Variants in SCRIB observed in about 807,000 individuals in gnomAD.
SCRIB encodes the protein scribble planar cell polarity protein, also known as protein scribble homolog.
In SCRIB, 72 loss-of-function variants were observed where a neutral mutation model predicts 170.0. The observed-to-expected ratio is 0.42, with a 90% confidence interval of 0.35 to 0.52. The LOEUF is 0.52. SCRIB is among the 20% of genes least tolerant of loss of function. SCRIB has a pLI of 0.02. For missense variants in SCRIB, 2,475 were observed against 2,338.5 expected (o/e 1.06, Z -1.20); for synonymous variants, 1,298 against 1,044.3 (o/e 1.24, Z -4.68).
chr8:143,794,340 A>G, intron 27 of SCRIB: 1 of 239,236 alleles, frequency 4.2e-6, no homozygotes, highest in Non-Finnish European at 8.2e-6. Flanking sequence ...TGGCGCCCTG[A>G]CTGCTGCCCC....
Position 143,813,579 on chromosome 8 carries a change from G to A in SCRIB, c.447-53C>T, listed in dbSNP as rs574651193. 2,900 of 1,612,498 alleles carry A rather than the reference G, an allele frequency of 1.8e-3. 4 individuals carry two copies. The highest frequency in any genetic ancestry group is 2.3e-3 in the Non-Finnish European group (2,698 of 1,179,422). On this transcript the variant is annotated intron_variant, in intron 4 of 36. Transcript: ENST00000356994. ...AGAGGAAGGAAAGCAGTGGCAGCAG[G>A]GGCAGGGCCAATCCTGGTCCCCCAC... is the stretch of plus-strand genomic sequence containing the variant.
Position 143,791,830 on chromosome 8 carries a change from C to T in SCRIB, c.4695+46G>A, listed in dbSNP as rs563904379. The T allele has an allele frequency of 0.015, 22,577 of 1,527,688 alleles. 402 individuals carry two copies. The highest frequency in any genetic ancestry group is 0.018 in the Non-Finnish European group (20,462 of 1,128,392). The allele number at this position is 1,527,688 out of a possible 1,614,324, so 94.6% of individuals were successfully genotyped here. A position where few individuals can be genotyped will look rare whatever the true frequency, so the allele number is the denominator to read the frequency against. ...GGGTGGGGGCAGGCCAGACCCCACC[C>T]CCATGCCTCGGGGGTGAAGGGAAGG... On this transcript the variant is annotated intron_variant, in intron 34 of 36. Transcript: ENST00000356994.
At chr8:143,806,878 G>T in intron 17 of SCRIB, 46 bp downstream of exon 17, 2 of 1,323,722 alleles carry the variant, frequency 1.5e-6, no homozygotes, top group Non-Finnish European at 2.1e-6. Flanking sequence ...GAACTGTGGT[G>T]GGGCAGGCCA....
chr8:143,791,478 C>T (rs1369815607), intron 35 of SCRIB, 38 bp from the exon 36 acceptor site: 3 of 1,604,540 alleles, frequency 1.9e-6, no homozygotes, highest in South Asian at 2.2e-5. Context: ...CGGTGCCAGC[C>T]CTGCCCCAAA....
rs1435442408 is a variant in SCRIB, at chr8:143,812,248, T to C, written c.906+18A>G. On this transcript the variant is annotated intron_variant, in intron 9 of 36. Coordinates refer to ENST00000356994, the MANE Select transcript of SCRIB (RefSeq NM_182706.5). The stretch of plus-strand genomic sequence containing the variant: ...CCCCGACGGCCCCATCCTTTCTGCC[T>C]CCCAAGCCAGACCCTACCATCAGCA... 16 of 1,537,448 alleles carry C rather than the reference T, an allele frequency of 1.0e-5. No homozygotes were observed. The highest frequency in any genetic ancestry group is 1.4e-5 in the Non-Finnish European group (16 of 1,110,408).
chr8:143,808,696 CTCCTCT>C lies in SCRIB; in HGVS notation c.2022_2027del (p.Glu678_Glu679del), dbSNP rs1815554149. 1.3e-6 allele frequency: 2 copies of C among 1,551,374 alleles called. No individual in the cohort carries two copies. The highest frequency in any genetic ancestry group is 1.4e-5 in the African/African-American group (1 of 72,968). On this transcript the variant is annotated inframe_deletion, in exon 15 of 37. Transcript: ENST00000356994. ...CCTCTTCAGCCCTGTTTTCCTCCTC[CTCCTCT>C]TCCTCCTCCTCCTGAGGACTACCCT...
chr8:143,814,974 C>T (rs1312646210), intron 1 of SCRIB: 1 of 505,488 alleles, frequency 2.0e-6, no homozygotes, highest in African/African-American at 2.0e-5. Flanking sequence ...CACTCTGAGG[C>T]TCCGCCTCCA....
At position 143,805,426 on chromosome 8, in the gene SCRIB, C is replaced by A; in HGVS notation, c.2356G>T (p.Val786Leu). The change falls in exon 19 of 37, where the codon GTG (valine) becomes TTG (leucine). Residue 786 changes from valine to leucine, a missense_variant. Transcript: ENST00000356994. Reference protein sequence around the residue: ...VGDKLLEVNGVALQGAEHHEA... With the variant: ...VGDKLLEVNGLALQGAEHHEA... ...TGGTGCTCGGCGCCCTGCAGAGCCA[C>A]ACCATTCACCTGCGGGCCAGGGACC... is the stretch of plus-strand genomic sequence containing the variant. 6.7e-7 allele frequency: 1 copy of A among 1,501,232 alleles called. No homozygotes were observed. The allele number at this position is 1,501,232 out of a possible 1,614,324, so 93.0% of individuals were successfully genotyped here.
chr8:143,813,942 G>A (rs201641361), intron 2 of SCRIB, 46 bp from the exon 3 acceptor site: 83 of 1,590,274 alleles, frequency 5.2e-5, no homozygotes, highest in South Asian at 3.6e-4. Flanking sequence ...CCTGCAGGCC[G>A]TCTGCAGCCC....
chr8:143,812,118 C>A, intron 9 of SCRIB, 148 bp downstream of exon 9: 1 of 717,404 alleles, frequency 1.4e-6, no homozygotes, highest in Admixed American at 1.8e-5. Flanking sequence ...CCAGCATGCT[C>A]CCCCTCTGAC....
Position 143,803,583 on chromosome 8 carries a change from C to T in SCRIB, c.3415-12G>A, listed in dbSNP as rs368081328. On this transcript the variant is annotated splice_polypyrimidine_tract_variant and intron_variant, in intron 23 of 36. Transcript: ENST00000356994. ...CCCGTGGGGCTCACCTGTGGGGAGA[C>T]GTGGTATGGGAGAGACCTGTTGGGG... The T allele has an allele frequency of 1.8e-5, 23 of 1,296,420 alleles. No individual in the cohort carries two copies. The highest frequency in any genetic ancestry group is 1.0e-4 in the East Asian group (2 of 20,092). The allele number at this position is 1,296,420 out of a possible 1,614,324, so 80.3% of individuals were successfully genotyped here. A position where few individuals can be genotyped will look rare whatever the true frequency, so the allele number is the denominator to read the frequency against.
Position 143,808,790 on chromosome 8 carries a change from C to G in SCRIB, c.1934G>C (p.Trp645Ser). Residue 645 changes from tryptophan (W) to serine (S), a missense_variant, in exon 15 of 37, where the codon TGG becomes TCG. Trp to Ser is a radical substitution (Grantham distance 177). This residue lies in a region of SCRIB where 1,966 missense variants were observed against 1,742.9 expected (regional missense o/e 1.13). Coordinates refer to ENST00000356994, the MANE Select transcript of SCRIB (RefSeq NM_182706.5). ...DGEGPVAPGG[W>S]HNGPHAPWAP... ...CCAGGGTGCGTGGGGGCCATTGTGC[C>G]AGCCCCCGGGAGCCACAGGGCCCTC... The G allele has an allele frequency of 6.2e-7, 1 of 1,611,314 alleles. No individual in the cohort carries two copies. The highest frequency in any genetic ancestry group is 8.5e-7 in the Non-Finnish European group (1 of 1,178,744).
intron 13 of SCRIB, 78 bp from the exon 14 acceptor site, chr8:143,809,796 C>G: frequency 3.3e-6 from 5 of 1,523,570 alleles, no homozygotes; most frequent in Non-Finnish European, 4.4e-6. Context: ...CCCCACGTGG[C>G]AGGCCTTCCC....
In SCRIB at chr8:143,801,172, C is replaced by T. The variant is rs201780749; in HGVS notation, c.3603+2211G>A. 3.3e-4 allele frequency among the ~76,000 whole-genome samples: 51 copies of T among 152,356 alleles called. 1 individual carries two copies. In the East Asian group the frequency reaches 9.7e-3, roughly 29 times the overall value. ...ATGAGGCCACATTTCCCCCAAATCA[C>T]TGGGGAAGCGACAGACTGTTCAGTC... On this transcript the variant is annotated intron_variant, in intron 24 of 36. Transcript: ENST00000356994.
Position 143,810,675 on chromosome 8 carries a change from C to T in SCRIB, c.1404+11G>A, listed in dbSNP as rs1815670123. ...GGCAGAGGTTCGCCCCCCAGATCCT[C>T]ACCCTCATACCCGCTTCTCAGCTGC... On this transcript the variant is annotated intron_variant, in intron 12 of 36. Coordinates refer to ENST00000356994, the MANE Select transcript of SCRIB (RefSeq NM_182706.5). 6.2e-7 allele frequency: 1 copy of T among 1,602,292 alleles called. No individual in the cohort carries two copies. Among genetic ancestry groups the T allele is most frequent in the South Asian group, 1.1e-5 (1 of 90,444 alleles).
rs765378872 is a variant in SCRIB, at chr8:143,811,169, G to A, written c.1083C>T (p.His361=). The change falls in exon 10 of 37, where the codon CAC becomes CAT. Residue 361 remains histidine, a synonymous_variant. Coordinates refer to ENST00000356994, the MANE Select transcript of SCRIB (RefSeq NM_182706.5). Reference sequence around the variant, plus strand: ...ACCGGTTCCCCGCCACGTCCAGCACGTGCAGCTCTGTCGTGTGGGCCAGCT... The same window carrying A: ...ACCGGTTCCCCGCCACGTCCAGCACATGCAGCTCTGTCGTGTGGGCCAGCT... ...PPELAHTTEL[H]VLDVAGNRLQ... 26 of 1,609,414 alleles carry A rather than the reference G, an allele frequency of 1.6e-5. No individual in the cohort carries two copies. Among genetic ancestry groups the A allele is most frequent in the East Asian group, 6.7e-5 (3 of 44,694 alleles).
rs144589736 is a variant in SCRIB at position 143,795,264 on chromosome 8, C to T, written c.3771+13G>A. On this transcript the variant is annotated intron_variant, in intron 26 of 36. Coordinates refer to ENST00000356994, the MANE Select transcript of SCRIB (RefSeq NM_182706.5). ...AGTGCCCTGATGTGAGGGGGTGGGGCGACCACACTCACTGCGGCTTCTGTG... is the reference window on the plus strand; with the variant it reads ...AGTGCCCTGATGTGAGGGGGTGGGGTGACCACACTCACTGCGGCTTCTGTG... 2.7e-4 allele frequency: 443 copies of T among 1,612,324 alleles called. 1 individual carries two copies. The East Asian group carries it at 6.3e-3, about 23-fold the overall frequency.
At chr8:143,811,399 G>A (rs774617829) in intron 9 of SCRIB, 54 bp from the exon 10 acceptor site, 48 of 1,519,766 alleles carry the variant, frequency 3.2e-5, no homozygotes, top group Non-Finnish European at 4.1e-5. Flanking sequence ...GGGTGGGAAG[G>A]AGATGACAGC....
At chr8:143,791,597 G>A (rs1224432424) in intron 35 of SCRIB, 69 bp downstream of exon 35, 8 of 1,510,102 alleles carry the variant, frequency 5.3e-6, no homozygotes, top group Admixed American at 3.4e-5. Context: ...GAGGCCCTGC[G>A]GGAGCGGATG....
Sources: allele counts gnomAD v4.1 joint callset (sites outside exome capture counted in the v4.1 genomes callset), GRCh38; gene constraint gnomAD v4.1.1; regional missense constraint gnomAD v4.1.1; transcripts MANE v1.5; gene names NCBI Gene and HGNC (gene_info 2026-07-23, HGNC 2026-07-21).